The following ARPP21 variants were observed in gnomAD, a reference collection of about 807,000 sequenced individuals.
ARPP21 encodes cAMP-regulated phosphoprotein 21.
Under a neutral mutation model 113.2 loss-of-function variants are expected in ARPP21, and 69 were observed. That is an observed-to-expected ratio of 0.61 (90% CI 0.50 to 0.74). The LOEUF is 0.74. Ranked by LOEUF, ARPP21 falls within the 30% of genes least tolerant of loss-of-function variation. ARPP21 has a pLI of 0.00. For missense variants in ARPP21, 1,070 were observed against 1,037.4 expected (o/e 1.03, Z -0.43); for synonymous variants, 368 against 375.5 (o/e 0.98, Z 0.23).
At chr3:35,731,631 T>G (rs1307449141) in intron 15 of ARPP21, among the ~76,000 whole-genome samples, 2 of 151,606 alleles carry the variant, frequency 1.3e-5, no homozygotes, top group Non-Finnish European at 2.9e-5. Flanking sequence ...ATGTTATATA[T>G]ATATAGGTCT....
chr3:35,737,248 A>T lies in ARPP21; in HGVS notation c.1530A>T (p.Arg510=). Residue 510 remains arginine (R), a synonymous_variant, in exon 16 of 21, where the codon CGA becomes CGT. Coordinates refer to ENST00000684406, the MANE Select transcript of ARPP21 (RefSeq NM_001385562.1). ...CACCCACCAGTCAGCAGCCCCTGCG[A>T]AGCGCCATGGTGGGGCAGTCCCAAC... The part of the protein sequence containing the change: ...YNPPTSQQPL[R]SAMVGQSQQQ... 1 of 1,613,050 alleles carries T rather than the reference A, an allele frequency of 6.2e-7. No individual in the cohort carries two copies. The highest frequency in any genetic ancestry group is 8.5e-7 in the Non-Finnish European group (1 of 1,179,306).
chr3:35,750,378 T>G (rs2151058011), intron 19 of ARPP21, among the ~76,000 whole-genome samples: 1 of 152,252 alleles, frequency 6.6e-6, no homozygotes, highest in African/African-American at 2.4e-5. Flanking sequence ...GAGATTTTCC[T>G]TTTGTCTTCC....
chr3:35,662,756 G>A (rs1295230262), intron 1 of ARPP21, among the ~76,000 whole-genome samples: 1 of 152,140 alleles, frequency 6.6e-6, no homozygotes, highest in East Asian at 1.9e-4. Flanking sequence ...TCAACAAGAG[G>A]CAACAAGACC....
At chr3:35,774,508 C>G (rs1477798468) in intron 19 of ARPP21, among the ~76,000 whole-genome samples, 1 of 152,062 alleles carries the variant, frequency 6.6e-6, no homozygotes, top group African/African-American at 2.4e-5. Flanking sequence ...CCTCTTCTAC[C>G]CCCTTTTAAA....
intron 19 of ARPP21, among the ~76,000 whole-genome samples, chr3:35,747,359 T>TA (rs34264524): frequency 0.26 from 28,738 of 108,656 alleles, 4,054 homozygotes; most frequent in Non-Finnish European, 0.34. Context: ...AGACTCCATC[T>TA]AAAAAAAAAA....
chr3:35,769,343 A>G (rs1407215708), intron 19 of ARPP21, among the ~76,000 whole-genome samples: 2 of 152,084 alleles, frequency 1.3e-5, no homozygotes, highest in Non-Finnish European at 2.9e-5. Context: ...TGGAACACCT[A>G]TGTTACTGTA....
At position 35,699,560 on chromosome 3, in the gene ARPP21, T is replaced by G. The variant is rs2085462048; in HGVS notation, c.687-7414T>G. 3.3e-5 allele frequency among the ~76,000 whole-genome samples: 5 copies of G among 151,880 alleles called. No individual in the cohort carries two copies. The South Asian group carries it at 8.3e-4, about 25-fold the overall frequency. On this transcript the variant is annotated intron_variant, in intron 9 of 20. Transcript: ENST00000684406. ...TATCCCACAACCTGACTTCTTTCAA[T>G]GTACAGCCCTTCAGGTACCACAGTG...
intron 1 of ARPP21, among the ~76,000 whole-genome samples, chr3:35,673,093 A>C (rs1300691969): frequency 6.6e-6 from 1 of 152,066 alleles, no homozygotes; most frequent in Non-Finnish European, 1.5e-5. Flanking sequence ...AATCTTGCAG[A>C]AAGAGAATGC....
intron 19 of ARPP21, among the ~76,000 whole-genome samples, chr3:35,759,172 A>G (rs1340562157): frequency 6.6e-6 from 1 of 152,078 alleles, no homozygotes; most frequent in Admixed American, 6.6e-5. Context: ...ACGTAGGTAT[A>G]TGAACTTACA....
chr3:35,762,869 A>C (rs1205357412), intron 19 of ARPP21, among the ~76,000 whole-genome samples: 2 of 152,096 alleles, frequency 1.3e-5, no homozygotes, highest in Non-Finnish European at 2.9e-5. Flanking sequence ...GTAAGACACG[A>C]TCACACTCTG....
Position 35,690,988 on chromosome 3 carries a change from G to A in ARPP21, c.669G>A (p.Lys223=). 2 of 1,610,080 alleles carry A rather than the reference G, an allele frequency of 1.2e-6. No homozygotes were observed. Among genetic ancestry groups the A allele is most frequent in the Admixed American group, 3.3e-5 (2 of 59,716 alleles). The change falls in exon 9 of 21, where the codon AAG becomes AAA. Residue 223 remains lysine, a synonymous_variant. Coordinates refer to ENST00000684406, the MANE Select transcript of ARPP21 (RefSeq NM_001385562.1). ...DQTGKSVIIN[K]TSSTRIPEQR... The stretch of plus-strand genomic sequence containing the variant: ...CAGGAAAATCTGTTATCATCAACAA[G>A]ACCAGCAGCACCAGAATGTAAGCCC...
chr3:35,775,913 A>G (rs2096350407), intron 19 of ARPP21, among the ~76,000 whole-genome samples: 1 of 152,156 alleles, frequency 6.6e-6, no homozygotes, highest in African/African-American at 2.4e-5. Flanking sequence ...AAAGATCAAA[A>G]CCAGCCAGCT....
intron 1 of ARPP21, among the ~76,000 whole-genome samples, chr3:35,660,588 C>T (rs1399404553): frequency 1.3e-5 from 2 of 152,302 alleles, no homozygotes; most frequent in East Asian, 3.9e-4. Flanking sequence ...CAAGGAAAGA[C>T]AGAGGAAAGT....
chr3:35,763,967 C>T (rs940706977), intron 19 of ARPP21, among the ~76,000 whole-genome samples: 4 of 151,930 alleles, frequency 2.6e-5, no homozygotes, highest in South Asian at 2.1e-4. Context: ...AGTTTGAGAC[C>T]CGCCTGGGCA....
At chr3:35,761,026 A>T (rs2095755875) in intron 19 of ARPP21, among the ~76,000 whole-genome samples, 1 of 152,086 alleles carries the variant, frequency 6.6e-6, no homozygotes, top group Admixed American at 6.6e-5. Flanking sequence ...CGCTTTTCTA[A>T]AATGCATTCT....
intron 1 of ARPP21, among the ~76,000 whole-genome samples, chr3:35,645,065 TTA>T (rs1699692211): frequency 6.6e-6 from 1 of 151,946 alleles, no homozygotes; most frequent in South Asian, 2.1e-4. Context: ...TTATAATTAT[TTA>T]TCAGTCATAA....
At chr3:35,714,192 T>C (rs957855935) in intron 11 of ARPP21, among the ~76,000 whole-genome samples, 7 of 152,218 alleles carry the variant, frequency 4.6e-5, no homozygotes, top group African/African-American at 1.7e-4. Context: ...ATACTTGAAA[T>C]TCAGGATGCA....
intron 6 of ARPP21, among the ~76,000 whole-genome samples, chr3:35,688,688 G>T (rs1007958137): frequency 3.3e-5 from 5 of 151,632 alleles, no homozygotes; most frequent in African/African-American, 1.2e-4. Flanking sequence ...CCATACATCT[G>T]CTTATAATTG....
chr3:35,679,029 A>G (rs1346209084), intron 1 of ARPP21, among the ~76,000 whole-genome samples: 1 of 151,926 alleles, frequency 6.6e-6, no homozygotes, highest in Non-Finnish European at 1.5e-5. Flanking sequence ...GAAAGTGCAC[A>G]TTATAGCGTG....
Sources: allele counts gnomAD v4.1 joint callset (sites outside exome capture counted in the v4.1 genomes callset), GRCh38; gene constraint gnomAD v4.1.1; transcripts MANE v1.5; gene names NCBI Gene and HGNC (gene_info 2026-07-23, HGNC 2026-07-21).